The following RNF144B variants were observed in gnomAD, a reference collection of about 807,000 sequenced individuals.
The protein encoded by RNF144B is E3 ubiquitin-protein ligase RNF144B.
In RNF144B, 25 loss-of-function variants were observed where a neutral mutation model predicts 40.2. The observed-to-expected ratio is 0.62, with a 90% CI of 0.45 to 0.87. The LOEUF is 0.87. RNF144B is among the 40% of genes least tolerant of loss of function. RNF144B has a pLI of 0.00. For missense variants in RNF144B, 365 were observed against 373.7 expected (o/e 0.98, Z 0.19); for synonymous variants, 145 against 136.3 (o/e 1.06, Z -0.44).
intron 4 of RNF144B, among the ~76,000 whole-genome samples, chr6:18,454,825 C>G (rs949785062): frequency 1.3e-5 from 2 of 152,146 alleles, no homozygotes; most frequent in African/African-American, 4.8e-5. Flanking sequence ...GAACTTCTAC[C>G]AAGTAGTTTT....
At chr6:18,430,815 C>G (rs1055781773) in intron 3 of RNF144B, among the ~76,000 whole-genome samples, 1 of 151,974 alleles carries the variant, frequency 6.6e-6, no homozygotes, top group Non-Finnish European at 1.5e-5. Context: ...TGTATTTCCC[C>G]CCTCCTTTGT....
At position 18,457,021 on chromosome 6, in the gene RNF144B, A is replaced by G; in HGVS notation, c.332-134A>G. ...GGTTGCAGTGAGCTGAAATCATGCC[A>G]CTGTACTCCAGCCTGGGCGACAGAG... On this transcript the variant is annotated intron_variant, in intron 4 of 7. Transcript: ENST00000259939. This position sits in a 1 kb window ranked among gnomAD's most constrained non-coding sequence, Gnocchi z 5.1. 1.3e-6 allele frequency: 1 copy of G among 761,762 alleles called. No individual in the cohort carries two copies. Among genetic ancestry groups the G allele is most frequent in the East Asian group, 2.5e-5 (1 of 39,380 alleles). 47.2% of individuals were successfully genotyped at this position (761,762 alleles called of 1,614,324 possible).
rs1178378200 is a variant in RNF144B at position 18,414,109 on chromosome 6, G to T, written c.166-13472G>T. On this transcript the variant is annotated intron_variant, in intron 2 of 7. Coordinates refer to ENST00000259939, the MANE Select transcript of RNF144B (RefSeq NM_182757.4). The surrounding 1 kb of genome is among the most constrained non-coding windows in gnomAD (Gnocchi z 4.9). ...GGAATAGTCGTGGTCTTGATGCAAT[G>T]TAACTTATAATTAGAAAGATGCTGA... is the stretch of plus-strand genomic sequence containing the variant. Among the ~76,000 whole-genome samples the T allele has an allele frequency of 6.6e-6, 1 of 152,180 alleles. No homozygotes were observed. The highest frequency in any genetic ancestry group is 2.4e-5 in the African/African-American group (1 of 41,438).
At chr6:18,454,154 G>A (rs1759277711) in intron 4 of RNF144B, among the ~76,000 whole-genome samples, 1 of 152,138 alleles carries the variant, frequency 6.6e-6, no homozygotes, top group African/African-American at 2.4e-5. Context: ...TGGGTTCAAA[G>A]GCAGAAAAAC....
intron 2 of RNF144B, among the ~76,000 whole-genome samples, chr6:18,421,315 C>T (rs9371058): frequency 0.38 from 54,436 of 142,396 alleles, 10,174 homozygotes; most frequent in Admixed American, 0.49. Flanking sequence ...CACACACACA[C>T]ATATATATAA....
rs1241476087 is a variant in RNF144B, at chr6:18,399,450, A to G, written c.-36-49A>G. 8.2e-6 allele frequency: 11 copies of G among 1,346,990 alleles called. No individual in the cohort carries two copies. The East Asian group carries it at 2.5e-4, about 30-fold the overall frequency. 83.4% of individuals were successfully genotyped at this position (1,346,990 alleles called of 1,614,324 possible). A position where few individuals can be genotyped will look rare whatever the true frequency, so the allele number is the denominator to read the frequency against. Reference sequence around the variant, plus strand: ...GGCCTCCAGACGTGTTGGCTAAACAATAGCTTTATCAATCCATATAATATT... The same window carrying G: ...GGCCTCCAGACGTGTTGGCTAAACAGTAGCTTTATCAATCCATATAATATT... On this transcript the variant is annotated intron_variant, in intron 1 of 7. Coordinates refer to ENST00000259939, the MANE Select transcript of RNF144B (RefSeq NM_182757.4).
In RNF144B at chr6:18,391,816, C is replaced by T. The variant is rs558284429; in HGVS notation, c.-37+4186C>T. The stretch of plus-strand genomic sequence containing the variant: ...CCAGGAGGCGGAGCTTGCAGTGAGC[C>T]GAGATCGGGCCACTGCACTCCAGCC... On this transcript the variant is annotated intron_variant, in intron 1 of 7. Transcript: ENST00000259939. 1.6e-4 allele frequency among the ~76,000 whole-genome samples: 22 copies of T among 140,024 alleles called. No individual in the cohort carries two copies. In the East Asian group the frequency reaches 2.9e-3, roughly 18 times the overall value. The allele number at this position is 140,024 out of a possible 152,430, so 91.9% of individuals were successfully genotyped here. A position where few individuals can be genotyped will look rare whatever the true frequency, so the allele number is the denominator to read the frequency against.
chr6:18,454,662 C>A (rs1759287350), intron 4 of RNF144B, among the ~76,000 whole-genome samples: 1 of 152,172 alleles, frequency 6.6e-6, no homozygotes, highest in Admixed American at 6.5e-5. Flanking sequence ...ACGGACTGTG[C>A]CATAGCTGCA....
At chr6:18,436,108 G>A (rs1159987289) in intron 3 of RNF144B, among the ~76,000 whole-genome samples, 1 of 151,596 alleles carries the variant, frequency 6.6e-6, no homozygotes, top group Non-Finnish European at 1.5e-5. Context: ...TTGTCCTCAT[G>A]TAGCTCCTGA....
intron 3 of RNF144B, among the ~76,000 whole-genome samples, chr6:18,429,961 T>C (rs1238370912): frequency 6.6e-6 from 1 of 152,148 alleles, no homozygotes; most frequent in Non-Finnish European, 1.5e-5. Context: ...ATTATAAAAG[T>C]GAAATGCAAG....
rs375358212 is a variant in RNF144B, at chr6:18,463,628, C to T, written c.771+248C>T. Reference sequence around the variant, plus strand: ...AGAGCTGCCAGGCAGTCAACAGTGACGTGCAGAATGCAGGCAGATGTTCTT... The same window carrying T: ...AGAGCTGCCAGGCAGTCAACAGTGATGTGCAGAATGCAGGCAGATGTTCTT... On this transcript the variant is annotated intron_variant, in intron 7 of 7. Coordinates refer to ENST00000259939, the MANE Select transcript of RNF144B (RefSeq NM_182757.4). Among the ~76,000 whole-genome samples, 62 of 152,304 alleles carry T rather than the reference C, an allele frequency of 4.1e-4. 1 individual carries two copies. Among genetic ancestry groups the T allele is most frequent in the East Asian group, 1.9e-3 (10 of 5,186 alleles).
Position 18,444,951 on chromosome 6 carries a change from C to A in RNF144B, c.331+5207C>A, listed in dbSNP as rs1759045975. Among the ~76,000 whole-genome samples the A allele has an allele frequency of 6.6e-6, 1 of 152,154 alleles. No homozygotes were observed. The highest frequency in any genetic ancestry group is 6.6e-5 in the Admixed American group (1 of 15,266). On this transcript the variant is annotated intron_variant, in intron 4 of 7. Coordinates refer to ENST00000259939, the MANE Select transcript of RNF144B (RefSeq NM_182757.4). The surrounding 1 kb of genome is among the most constrained non-coding windows in gnomAD (Gnocchi z 4.3). Reference sequence around the variant, plus strand: ...TTGTCCTTGGTGAAATGCTTCCACCCCAGCTTTTGTATCTGATCATAAAGG... The same window carrying A: ...TTGTCCTTGGTGAAATGCTTCCACCACAGCTTTTGTATCTGATCATAAAGG...
intron 1 of RNF144B, among the ~76,000 whole-genome samples, chr6:18,389,132 C>T (rs563044366): frequency 6.6e-6 from 1 of 152,312 alleles, no homozygotes; most frequent in Admixed American, 6.5e-5. Context: ...TTACAGTCAT[C>T]TATGCCAAAT....
intron 1 of RNF144B, among the ~76,000 whole-genome samples, chr6:18,397,830 G>C (rs1381098748): frequency 1.3e-5 from 2 of 152,104 alleles, no homozygotes; most frequent in African/African-American, 4.8e-5. Context: ...GCCTCAGAAG[G>C]CTGAGGATTG....
At position 18,456,757 on chromosome 6, in the gene RNF144B, A is replaced by T. The variant is rs370022560; in HGVS notation, c.332-398A>T. ...GTTGTATTATACTTCCATAAATGTC[A>T]GTTTAAAAAAGAGGGTAAATGGGGC... is the stretch of plus-strand genomic sequence containing the variant. On this transcript the variant is annotated intron_variant, in intron 4 of 7. Transcript: ENST00000259939. This position sits in a 1 kb window ranked among gnomAD's most constrained non-coding sequence, Gnocchi z 4.7. Among the ~76,000 whole-genome samples the T allele has an allele frequency of 6.6e-6, 1 of 152,310 alleles. No homozygotes were observed. Among genetic ancestry groups the T allele is most frequent in the East Asian group, 1.9e-4 (1 of 5,172 alleles).
rs1350198992 is a variant in RNF144B at position 18,412,912 on chromosome 6, G to T, written c.165+13213G>T. On this transcript the variant is annotated intron_variant, in intron 2 of 7. Transcript: ENST00000259939. The surrounding 1 kb of genome is among the most constrained non-coding windows in gnomAD (Gnocchi z 4.2). ...AATATGTGTGAGGTATTTACTACATGAATGTAGGGTATTTTTTCAATCTGC... is the reference window on the plus strand; with the variant it reads ...AATATGTGTGAGGTATTTACTACATTAATGTAGGGTATTTTTTCAATCTGC... Among the ~76,000 whole-genome samples the T allele has an allele frequency of 1.3e-5, 2 of 152,132 alleles. No individual in the cohort carries two copies. The highest frequency in any genetic ancestry group is 1.9e-4 in the East Asian group (1 of 5,194).
In RNF144B at chr6:18,460,572, A is replaced by G. The variant is rs1159268263; in HGVS notation, c.681+821A>G. On this transcript the variant is annotated intron_variant, in intron 6 of 7. Coordinates refer to ENST00000259939, the MANE Select transcript of RNF144B (RefSeq NM_182757.4). This position sits in a 1 kb window ranked among gnomAD's most constrained non-coding sequence, Gnocchi z 4.4. ...ATTTAAAGAAAAATGGTTCAAATCA[A>G]TGGTGTCTCCTAACTCTCTTCTCTC... Among the ~76,000 whole-genome samples, 2 of 152,138 alleles carry G rather than the reference A, an allele frequency of 1.3e-5. No individual in the cohort carries two copies. Among genetic ancestry groups the G allele is most frequent in the African/African-American group, 4.8e-5 (2 of 41,412 alleles).
intron 3 of RNF144B, among the ~76,000 whole-genome samples, chr6:18,430,486 TTCTCTC>T (rs5874639): frequency 1.5e-4 from 22 of 149,082 alleles, no homozygotes; most frequent in South Asian, 4.3e-4. Context: ...GCTTCTTGCT[TTCTCTC>T]TCTCTCTCTC....
rs1053828283 is a variant in RNF144B at position 18,427,456 on chromosome 6, T to C, written c.166-125T>C. On this transcript the variant is annotated intron_variant, in intron 2 of 7. Transcript: ENST00000259939. ...TAGTATTCACACTTGTGATAACTTA[T>C]GTTTCTTGAGTACAAGAGCCTCAGG... 23 of 592,152 alleles carry C rather than the reference T, an allele frequency of 3.9e-5. 1 individual carries two copies. The highest frequency in any genetic ancestry group is 2.8e-4 in the South Asian group (12 of 43,510). 36.7% of individuals were successfully genotyped at this position (592,152 alleles called of 1,614,324 possible).
Sources: gnomAD v4.1 joint callset for allele counts (sites outside exome capture counted in the v4.1 genomes callset) on GRCh38, gnomAD v4.1.1 for gene constraint, Gnocchi (gnomAD v3.1) non-coding constraint, MANE v1.5 for transcripts, NCBI Gene and HGNC (gene_info 2026-07-23, HGNC 2026-07-21) for gene names.